TRIQK: variants seen among roughly 807,000 people sequenced by gnomAD.
The protein encoded by TRIQK is triple QxxK/R motif containing, also known as triple QxxK/R motif-containing protein.
TRIQK carries 10 observed loss-of-function variants against 10.8 expected under a neutral mutation model. That is an observed-to-expected ratio of 0.92 (90% CI 0.57 to 1.57). TRIQK has a LOEUF of 1.57. Among genes scored for constraint, TRIQK ranks in the 40% most tolerant of loss-of-function variants. TRIQK has a pLI of 0.00. For missense variants in TRIQK, 107 were observed against 97.7 expected (o/e 1.09, Z -0.40); for synonymous variants, 33 against 33.7 (o/e 0.98, Z 0.07).
intron 1 of TRIQK, among the ~76,000 whole-genome samples, chr8:92,964,462 A>C (rs915885491): frequency 4.7e-5 from 5 of 106,184 alleles, no homozygotes; most frequent in East Asian, 2.7e-4. Flanking sequence ...ATATATATAT[A>C]TCTATATATA....
chr8:92,900,585 T>C (rs944075590), intron 3 of TRIQK, among the ~76,000 whole-genome samples: 4 of 152,156 alleles, frequency 2.6e-5, no homozygotes, highest in Non-Finnish European at 5.9e-5. Context: ...CTCTATTCTA[T>C]TCCATTGGTG....
chr8:92,924,523 C>T (rs1207803701), intron 2 of TRIQK, among the ~76,000 whole-genome samples: 2 of 151,798 alleles, frequency 1.3e-5, no homozygotes, highest in Non-Finnish European at 2.9e-5. Flanking sequence ...CTTGTGAAAC[C>T]TATATATTGT....
At chr8:92,919,413 C>A (rs1252857234) in intron 2 of TRIQK, among the ~76,000 whole-genome samples, 2 of 151,774 alleles carry the variant, frequency 1.3e-5, no homozygotes, top group Non-Finnish European at 3.0e-5. Flanking sequence ...GGTGTTTATT[C>A]TTGATTCTGC....
At position 92,884,677 on chromosome 8, in the gene TRIQK, ACT is replaced by A; in HGVS notation, c.*1943_*1944del. ...TAACCAGCCATTTTAAGTACTGTAA[ACT>A]CTGTTATATTTCATTTGGATAAGTA... On this transcript the variant is annotated 3_prime_UTR_variant, in exon 5 of 5. Coordinates refer to ENST00000521988, the MANE Select transcript of TRIQK (RefSeq NM_001171797.2). 1 of 364,304 alleles carries A rather than the reference ACT, an allele frequency of 2.7e-6. No individual in the cohort carries two copies. Among genetic ancestry groups the A allele is most frequent in the South Asian group, 2.1e-5 (1 of 47,558 alleles). 22.6% of individuals were successfully genotyped at this position (364,304 alleles called of 1,614,324 possible).
intron 2 of TRIQK, among the ~76,000 whole-genome samples, chr8:92,937,856 T>C (rs1225836687): frequency 2.6e-5 from 4 of 152,120 alleles, no homozygotes; most frequent in African/African-American, 9.6e-5. Context: ...TTTATCAATA[T>C]AAACCATTGA....
chr8:92,986,930 A>T (rs1813039436), intron 1 of TRIQK, among the ~76,000 whole-genome samples: 1 of 152,216 alleles, frequency 6.6e-6, no homozygotes, highest in South Asian at 2.1e-4. Context: ...ATATCTTGAA[A>T]GTATTATAAA....
At chr8:93,004,901 A>G (rs990032655) in intron 1 of TRIQK, among the ~76,000 whole-genome samples, 4 of 152,200 alleles carry the variant, frequency 2.6e-5, no homozygotes, top group Non-Finnish European at 5.9e-5. Flanking sequence ...TTCACTGTCC[A>G]TATCACTATC....
intron 2 of TRIQK, among the ~76,000 whole-genome samples, chr8:92,949,535 G>GGAAA (rs1811720524): frequency 1.0e-5 from 1 of 95,316 alleles, no homozygotes; most frequent in African/African-American, 3.7e-5. Context: ...AAAGAAAGAA[G>GGAAA]GAAGGAAGGA....
rs1216471712 is a variant in TRIQK, at chr8:92,885,627, C to A, written c.*995G>T. 1 of 151,650 alleles carries A rather than the reference C, an allele frequency of 6.6e-6. No homozygotes were observed. The highest frequency in any genetic ancestry group is 2.4e-5 in the African/African-American group (1 of 41,328). 9.4% of individuals were successfully genotyped at this position (151,650 alleles called of 1,614,324 possible). Reference sequence around the variant, plus strand: ...GAAAAATTATATCAACAGATAATTACATATGAAATATGAGGCATATATTTT... The same window carrying A: ...GAAAAATTATATCAACAGATAATTAAATATGAAATATGAGGCATATATTTT... On this transcript the variant is annotated 3_prime_UTR_variant, in exon 5 of 5. Transcript: ENST00000521988.
intron 4 of TRIQK, among the ~76,000 whole-genome samples, chr8:92,887,849 A>T (rs1277758082): frequency 2.0e-5 from 3 of 151,696 alleles, no homozygotes; most frequent in Non-Finnish European, 4.4e-5. Flanking sequence ...TTAGCTTCAT[A>T]ATTACATTTA....
intron 3 of TRIQK, among the ~76,000 whole-genome samples, chr8:92,904,246 A>G (rs997223069): frequency 7.2e-5 from 11 of 152,182 alleles, no homozygotes; most frequent in African/African-American, 2.7e-4. Context: ...GGAAATAGGC[A>G]GGATCTCCAG....
In TRIQK at chr8:93,003,339, A is replaced by G. The variant is rs199985111; in HGVS notation, c.-181+14270T>C. On this transcript the variant is annotated intron_variant, in intron 1 of 4. Transcript: ENST00000520686. ...GAGAGAGAGAGAGAGAGAGAGAGAGAGCACAAAGGGGGAAGTGTTACACAC... is the reference window on the plus strand; with the variant it reads ...GAGAGAGAGAGAGAGAGAGAGAGAGGGCACAAAGGGGGAAGTGTTACACAC... 2.0e-5 allele frequency among the ~76,000 whole-genome samples: 3 copies of G among 149,936 alleles called. No homozygotes were observed. The East Asian group carries it at 5.9e-4, about 29-fold the overall frequency.
intron 1 of TRIQK, among the ~76,000 whole-genome samples, chr8:92,995,211 T>A (rs1407219441): frequency 1.3e-5 from 2 of 152,072 alleles, no homozygotes; most frequent in Non-Finnish European, 2.9e-5. Context: ...ATTTTCTGAT[T>A]ACTCTCTTAT....
intron 2 of TRIQK, among the ~76,000 whole-genome samples, chr8:92,924,114 A>T (rs1397825647): frequency 6.6e-6 from 1 of 152,036 alleles, no homozygotes; most frequent in African/African-American, 2.4e-5. Flanking sequence ...GTGAAGCTAT[A>T]GTTAGGCAGA....
chr8:92,971,374 A>C (rs971771652), intron 1 of TRIQK, among the ~76,000 whole-genome samples: 6 of 152,174 alleles, frequency 3.9e-5, no homozygotes, highest in African/African-American at 1.2e-4. Flanking sequence ...TGCAGATGAC[A>C]TGATCCTGTA....
intron 3 of TRIQK, among the ~76,000 whole-genome samples, chr8:92,907,473 A>C (rs191306593): frequency 6.6e-6 from 1 of 152,222 alleles, no homozygotes; most frequent in Non-Finnish European, 1.5e-5. Flanking sequence ...CTCAAGGTAC[A>C]TAATCAACAG....
chr8:92,919,593 G>C (rs1238914185), intron 2 of TRIQK, among the ~76,000 whole-genome samples: 5 of 151,686 alleles, frequency 3.3e-5, no homozygotes, highest in African/African-American at 7.2e-5. Flanking sequence ...TTACCTTGTA[G>C]TATTCCTTTT....
intron 3 of TRIQK, among the ~76,000 whole-genome samples, chr8:92,904,041 T>C (rs1022214208): frequency 6.6e-6 from 1 of 152,016 alleles, no homozygotes; most frequent in Non-Finnish European, 1.5e-5. Flanking sequence ...AAAGAAGCCA[T>C]GTGGGTAGAT....
At chr8:92,951,362 A>G (rs1446339415) in intron 2 of TRIQK, among the ~76,000 whole-genome samples, 2 of 152,006 alleles carry the variant, frequency 1.3e-5, no homozygotes, top group Non-Finnish European at 2.9e-5. Flanking sequence ...CTCTTTTTGG[A>G]TTCTTAAGAA....
Sources: gnomAD v4.1 joint callset for allele counts (sites outside exome capture counted in the v4.1 genomes callset) on GRCh38, gnomAD v4.1.1 for gene constraint, MANE v1.5 for transcripts, NCBI Gene and HGNC (gene_info 2026-07-23, HGNC 2026-07-21) for gene names.